The following TLN2 variants were observed in gnomAD, a reference collection of about 807,000 sequenced individuals.
TLN2 encodes the protein talin 2.
A neutral mutation model predicts 294.7 loss-of-function variants in TLN2; 118 were observed. That is an observed-to-expected ratio of 0.40 (90% confidence interval 0.34 to 0.47). The LOEUF (loss-of-function observed/expected upper bound fraction) is 0.47, where lower values mean the gene tolerates loss of function less well. TLN2 is among the 20% of genes least tolerant of loss of function. The pLI, the probability that TLN2 is intolerant of heterozygous loss-of-function variation, is 0.84. For missense variants in TLN2, 3,083 were observed against 3,282.2 expected (o/e 0.94, Z 1.48); for synonymous variants, 1,431 against 1,304.5 (o/e 1.10, Z -2.09).
chr15:62,655,298 G>C (rs932638481), intron 7 of TLN2, among the ~76,000 whole-genome samples: 1 of 152,166 alleles, frequency 6.6e-6, no homozygotes. Context: ...GTTGGAGTGA[G>C]AGCTGTGAAA....
chr15:62,808,798 C>T (rs1444343983), intron 51 of TLN2, among the ~76,000 whole-genome samples: 1 of 152,300 alleles, frequency 6.6e-6, no homozygotes, highest in Middle Eastern at 3.4e-3. Context: ...GTTCCTGCCT[C>T]CGAGCCCATT....
intron 1 of TLN2, among the ~76,000 whole-genome samples, chr15:62,409,880 T>G (rs1047523080): frequency 6.6e-6 from 1 of 152,192 alleles, no homozygotes; most frequent in African/African-American, 2.4e-5. Flanking sequence ...ATGAATTTTT[T>G]CCCCCTAAAG....
chr15:62,676,591 C>T (rs1007356696), intron 11 of TLN2, among the ~76,000 whole-genome samples: 1 of 152,136 alleles, frequency 6.6e-6, no homozygotes, highest in Non-Finnish European at 1.5e-5. Context: ...CTATCAACAA[C>T]CCAAGGGTAA....
intron 1 of TLN2, among the ~76,000 whole-genome samples, chr15:62,517,940 T>C (rs572655088): frequency 6.6e-6 from 1 of 152,234 alleles, no homozygotes; most frequent in East Asian, 1.9e-4. Flanking sequence ...AAAAATGGGG[T>C]TAATGATTTT....
intron 14 of TLN2, among the ~76,000 whole-genome samples, chr15:62,695,065 C>T (rs1323945295): frequency 6.6e-6 from 1 of 152,174 alleles, no homozygotes; most frequent in Non-Finnish European, 1.5e-5. Context: ...TAACTATCAT[C>T]CTCATGATCA....
chr15:62,618,948 G>A (rs2048538241), intron 3 of TLN2, among the ~76,000 whole-genome samples: 1 of 152,138 alleles, frequency 6.6e-6, no homozygotes, highest in African/African-American at 2.4e-5. Flanking sequence ...CTAGTTTACG[G>A]GACTGAATAC....
chr15:62,740,421 G>C (rs1482720220), intron 31 of TLN2: 4 of 554,738 alleles, frequency 7.2e-6, no homozygotes, highest in Non-Finnish European at 1.2e-5. Flanking sequence ...TTCTTTCCCT[G>C]TGGCATGCAT....
chr15:62,839,092 C>T, intron 58 of TLN2, 111 bp downstream of exon 58: 1 of 1,400,976 alleles, frequency 7.1e-7, no homozygotes, highest in South Asian at 1.4e-5. Context: ...CCTCGTGTAC[C>T]AGAGATGGTG....
chr15:62,588,656 C>T (rs969494420), intron 1 of TLN2, among the ~76,000 whole-genome samples: 85 of 87,286 alleles, frequency 9.7e-4, no homozygotes, highest in Admixed American at 1.3e-3. Flanking sequence ...TATATATATA[C>T]ATTTTTTTCA....
intron 1 of TLN2, among the ~76,000 whole-genome samples, chr15:62,501,758 G>C (rs1013264807): frequency 6.6e-6 from 1 of 152,180 alleles, no homozygotes; most frequent in Non-Finnish European, 1.5e-5. Context: ...GCAGATGATT[G>C]CATGCTCTGA....
chr15:62,398,289 T>G (rs192788185), intron 1 of TLN2, among the ~76,000 whole-genome samples: 319 of 152,228 alleles, frequency 2.1e-3, no homozygotes, highest in Non-Finnish European at 3.0e-3. Context: ...GAAGGATGTG[T>G]TTGCTTTCCC....
intron 14 of TLN2, among the ~76,000 whole-genome samples, chr15:62,695,026 C>T (rs4775528): frequency 0.46 from 70,686 of 152,028 alleles, 18,700 homozygotes; most frequent in Middle Eastern, 0.63. Context: ...GCACATAAAA[C>T]AATGCCTGGC....
At chr15:62,507,559 G>C (rs2039691620) in intron 1 of TLN2, among the ~76,000 whole-genome samples, 1 of 152,222 alleles carries the variant, frequency 6.6e-6, no homozygotes, top group South Asian at 2.1e-4. Flanking sequence ...AGGTGGGTGG[G>C]GGTAAAATGC....
intron 41 of TLN2, among the ~76,000 whole-genome samples, chr15:62,768,868 A>G (rs1010598301): frequency 6.6e-6 from 1 of 152,234 alleles, no homozygotes; most frequent in Non-Finnish European, 1.5e-5. Flanking sequence ...TAATCCTCCT[A>G]CCAGTCCTGA....
At position 62,748,434 on chromosome 15, in the gene TLN2, G is replaced by A. The variant is rs1442126844; in HGVS notation, c.4109G>A (p.Arg1370Gln). 2.5e-6 allele frequency: 4 copies of A among 1,613,562 alleles called. No homozygotes were observed. The highest frequency in any genetic ancestry group is 1.3e-5 in the African/African-American group (1 of 75,002). Reference sequence around the variant, plus strand: ...CAGAAAGAGTGCGATAATGCCCTGCGGGAGCTCGAGGTAGGTCCCTGGGAA... The same window carrying A: ...CAGAAAGAGTGCGATAATGCCCTGCAGGAGCTCGAGGTAGGTCCCTGGGAA... ...PGQKECDNAL[R>Q]ELETVKGMLD... The change falls in exon 33 of 59, where the codon CGG (arginine) becomes CAG (glutamine). Residue 1370 changes from arginine (R) to glutamine (Q), a missense_variant. Coordinates refer to ENST00000636159, the MANE Select transcript of TLN2 (RefSeq NM_015059.3).
Position 62,708,637 on chromosome 15 carries a change from G to A in TLN2, c.2308G>A (p.Val770Ile), listed in dbSNP as rs958757595. The A allele has an allele frequency of 6.2e-7, 1 of 1,614,228 alleles. No individual in the cohort carries two copies. The highest frequency in any genetic ancestry group is 8.5e-7 in the Non-Finnish European group (1 of 1,180,044). The change falls in exon 21 of 59, where the codon GTC becomes ATC. Residue 770 changes from valine to isoleucine, a missense_variant. Coordinates refer to ENST00000636159, the MANE Select transcript of TLN2 (RefSeq NM_015059.3). ...TACCGATAGTGAGCTCCTGAAGCAG[G>A]TCAGCGCAGCGGCCAGCGTGGTCAG... is the stretch of plus-strand genomic sequence containing the variant. ...ATTDSELLKQ[V>I]SAAASVVSQA...
At position 62,437,043 on chromosome 15, in the gene TLN2, C is replaced by A. The variant is rs758837797; in HGVS notation, c.-238+46358C>A. Among the ~76,000 whole-genome samples, 74 of 152,242 alleles carry A rather than the reference C, an allele frequency of 4.9e-4. 5 individuals are homozygous for A. Among genetic ancestry groups the A allele is most frequent in the Non-Finnish European group, 1.2e-4 (8 of 68,038 alleles). The stretch of plus-strand genomic sequence containing the variant: ...TGTGCCCAACCCAATTGTATGATTT[C>A]TCTTTTGTATACATCCTCTAATATT... On this transcript the variant is annotated intron_variant, in intron 1 of 58. Transcript: ENST00000636159.
intron 1 of TLN2, among the ~76,000 whole-genome samples, chr15:62,461,224 G>C (rs78531539): frequency 6.6e-6 from 1 of 152,158 alleles, no homozygotes; most frequent in Admixed American, 6.5e-5. Context: ...AATTACAGGC[G>C]TGAGCCACCG....
At chr15:62,656,508 C>G (rs2053229257) in intron 8 of TLN2, among the ~76,000 whole-genome samples, 1 of 152,176 alleles carries the variant, frequency 6.6e-6, no homozygotes, top group Admixed American at 6.5e-5. Context: ...TGTCTTTACC[C>G]TTAACTAATT....
Sources: allele counts gnomAD v4.1 joint callset (sites outside exome capture counted in the v4.1 genomes callset), GRCh38; gene constraint gnomAD v4.1.1; transcripts MANE v1.5; gene names NCBI Gene and HGNC (gene_info 2026-07-23, HGNC 2026-07-21).